The following EPHA6 variants were observed in gnomAD, a reference collection of about 807,000 sequenced individuals.
The protein encoded by EPHA6 is EPH receptor A6.
EPHA6 carries 50 observed loss-of-function variants against 112.0 expected under a neutral mutation model. The observed-to-expected ratio is 0.45, with a 90% CI of 0.36 to 0.56. The LOEUF (loss-of-function observed/expected upper bound fraction) is 0.56. Among genes scored for constraint, EPHA6 ranks in the 20% least tolerant of loss-of-function variants. EPHA6 has a pLI of 0.00. For synonymous variants in EPHA6, 529 were observed against 490.7 expected, an observed-to-expected ratio of 1.08 and a Z score of -1.03; for missense variants, 1,280 against 1,417.4, an observed-to-expected ratio of 0.90 and a Z score of 1.56.
At chr3:97,721,462 T>C (rs535948184) in intron 15 of EPHA6, among the ~76,000 whole-genome samples, 1 of 152,198 alleles carries the variant, frequency 6.6e-6, no homozygotes, top group South Asian at 2.1e-4. Flanking sequence ...AGTACTGCTT[T>C]TGAAGCTGAC....
chr3:97,446,628 C>T (rs555657057), intron 6 of EPHA6, among the ~76,000 whole-genome samples: 20 of 152,042 alleles, frequency 1.3e-4, no homozygotes, highest in Non-Finnish European at 2.5e-4. Flanking sequence ...TGAGACAGCA[C>T]TCAAAATGCA....
intron 2 of EPHA6, among the ~76,000 whole-genome samples, chr3:96,939,765 T>G (rs1031169325): frequency 6.6e-6 from 1 of 152,148 alleles, no homozygotes; most frequent in Non-Finnish European, 1.5e-5. Context: ...CCTCTACACA[T>G]TGCTTTGAAT....
intron 11 of EPHA6, among the ~76,000 whole-genome samples, chr3:97,538,106 T>A (rs2092788772): frequency 6.6e-6 from 1 of 151,964 alleles, no homozygotes; most frequent in Non-Finnish European, 1.5e-5. Context: ...GAGCACCTAA[T>A]AAGCAAAGTA....
chr3:97,441,375 A>C (rs1459288600), intron 6 of EPHA6: 6 of 702,804 alleles, frequency 8.5e-6, no homozygotes, highest in Non-Finnish European at 8.7e-6. Flanking sequence ...ATTGTTTTAT[A>C]ACATCCATAA....
At chr3:97,291,834 T>C (rs2080694256) in intron 5 of EPHA6, among the ~76,000 whole-genome samples, 1 of 152,212 alleles carries the variant, frequency 6.6e-6, no homozygotes. Context: ...ATGGGATCTT[T>C]AGGGTGTCAC....
At chr3:96,844,863 G>T (rs1272717064) in intron 1 of EPHA6, among the ~76,000 whole-genome samples, 3 of 151,846 alleles carry the variant, frequency 2.0e-5, no homozygotes, top group Non-Finnish European at 2.9e-5. Flanking sequence ...ATCCCAGCAG[G>T]CATAATTGTA....
intron 14 of EPHA6, among the ~76,000 whole-genome samples, chr3:97,666,554 G>A (rs2030132346): frequency 6.6e-6 from 1 of 152,092 alleles, no homozygotes; most frequent in Non-Finnish European, 1.5e-5. Context: ...CTTTATGTGT[G>A]TGTGCTTTTA....
intron 5 of EPHA6, among the ~76,000 whole-genome samples, chr3:97,257,075 G>T (rs112520461): frequency 6.6e-6 from 1 of 151,834 alleles, no homozygotes; most frequent in Non-Finnish European, 1.5e-5. Flanking sequence ...TAATGAGAAA[G>T]TTCATCATTG....
At chr3:97,491,926 G>A (rs970594994) in intron 10 of EPHA6, among the ~76,000 whole-genome samples, 11 of 151,942 alleles carry the variant, frequency 7.2e-5, no homozygotes, top group African/African-American at 2.7e-4. Flanking sequence ...ATCAAAGCAA[G>A]TCACAAAGCC....
At chr3:97,301,526 G>C (rs2108718721) in intron 5 of EPHA6, among the ~76,000 whole-genome samples, 1 of 152,216 alleles carries the variant, frequency 6.6e-6, no homozygotes, top group Middle Eastern at 3.4e-3. Context: ...AATTGAGGCA[G>C]ATAAAGAATA....
chr3:97,572,147 C>CG (rs1378784699), intron 11 of EPHA6, among the ~76,000 whole-genome samples: 3 of 128,368 alleles, frequency 2.3e-5, no homozygotes, highest in African/African-American at 8.6e-5. Context: ...ATCTCTTTTC[C>CG]TTTTTTTTTT....
intron 10 of EPHA6, among the ~76,000 whole-genome samples, chr3:97,492,309 G>A (rs911697212): frequency 6.6e-6 from 1 of 151,702 alleles, no homozygotes; most frequent in African/African-American, 2.4e-5. Flanking sequence ...TTGGGAGGCC[G>A]AGGCGTGCAG....
At chr3:97,198,064 A>G (rs1386773245) in intron 3 of EPHA6, among the ~76,000 whole-genome samples, 1 of 152,080 alleles carries the variant, frequency 6.6e-6, no homozygotes, top group Non-Finnish European at 1.5e-5. Context: ...AGTGGCTGTC[A>G]GGAACTCAAG....
At chr3:96,821,126 CTG>C (rs531820180) in intron 1 of EPHA6, among the ~76,000 whole-genome samples, 10 of 151,900 alleles carry the variant, frequency 6.6e-5, no homozygotes, top group Non-Finnish European at 1.3e-4. Context: ...AGGGAAGAAA[CTG>C]TTATACTTTT....
At chr3:97,285,897 G>C (rs79067457) in intron 5 of EPHA6, among the ~76,000 whole-genome samples, 7,392 of 152,044 alleles carry the variant, frequency 0.049, 565 homozygotes, top group African/African-American at 0.17. Flanking sequence ...TCACCAGCAT[G>C]TACTATTTTT....
intron 5 of EPHA6, among the ~76,000 whole-genome samples, chr3:97,335,681 A>G (rs2108839814): frequency 6.6e-6 from 1 of 152,280 alleles, no homozygotes; most frequent in South Asian, 2.1e-4. Context: ...ACCACCCAAC[A>G]TATTTCACCT....
chr3:97,395,376 A>G (rs529861157), intron 5 of EPHA6, among the ~76,000 whole-genome samples: 4 of 151,866 alleles, frequency 2.6e-5, no homozygotes, highest in Non-Finnish European at 5.9e-5. Flanking sequence ...AAAACAAAAT[A>G]TAGGTCAGAA....
chr3:96,889,279 C>T (rs2037816848), intron 2 of EPHA6, among the ~76,000 whole-genome samples: 1 of 152,148 alleles, frequency 6.6e-6, no homozygotes, highest in Non-Finnish European at 1.5e-5. Flanking sequence ...TCCGAAGTTG[C>T]TTCCACATTT....
intron 11 of EPHA6, among the ~76,000 whole-genome samples, chr3:97,568,885 G>A (rs1445530873): frequency 6.6e-6 from 1 of 152,156 alleles, no homozygotes; most frequent in African/African-American, 2.4e-5. Context: ...GGAGCAGAGT[G>A]GATGTCATCG....
Sources: allele counts gnomAD v4.1 joint callset (sites outside exome capture counted in the v4.1 genomes callset), GRCh38; gene constraint gnomAD v4.1.1; transcripts MANE v1.5; gene names NCBI Gene and HGNC (gene_info 2026-07-23, HGNC 2026-07-21).